The following LPP variants were observed in gnomAD, a reference collection of about 807,000 sequenced individuals.
The protein encoded by LPP is lipoma-preferred partner.
Under a neutral mutation model 60.4 loss-of-function variants are expected in LPP, and 38 were observed. The observed-to-expected ratio is 0.63, with a 90% CI of 0.49 to 0.83. LPP has a LOEUF of 0.83. LPP is among the 40% of genes least tolerant of loss of function. LPP has a pLI of 0.00. For missense variants in LPP, 902 were observed against 783.6 expected, an observed-to-expected ratio of 1.15 and a Z score of -1.80; for synonymous variants, 328 against 290.8, an observed-to-expected ratio of 1.13 and a Z score of -1.30.
chr3:188,593,008 TAATTCTG>T (rs1839231466), intron 6 of LPP, among the ~76,000 whole-genome samples: 1 of 152,182 alleles, frequency 6.6e-6, no homozygotes, highest in African/African-American at 2.4e-5. Flanking sequence ...TCTTCTTGAA[TAATTCTG>T]TATCCTACCA....
intron 1 of LPP, among the ~76,000 whole-genome samples, chr3:188,215,294 A>G (rs1713091026): frequency 6.6e-6 from 1 of 151,952 alleles, no homozygotes; most frequent in African/African-American, 2.4e-5. Flanking sequence ...TGACAGATCG[A>G]GACCCTGTCT....
chr3:188,411,977 C>CTCTG (rs1033674599), intron 4 of LPP, among the ~76,000 whole-genome samples: 9 of 46,318 alleles, frequency 1.9e-4, no homozygotes, highest in African/African-American at 4.2e-4. Flanking sequence ...TTCTCTGTCT[C>CTCTG]TCTCTCTCTC....
At chr3:188,250,752 T>TTC (rs1231518627) in intron 2 of LPP, among the ~76,000 whole-genome samples, 8 of 120,866 alleles carry the variant, frequency 6.6e-5, no homozygotes, top group Non-Finnish European at 1.4e-4. Flanking sequence ...CTTTCTTTCT[T>TTC]TCTTTCTTTC....
At chr3:188,431,212 C>G (rs1255357137) in intron 4 of LPP, among the ~76,000 whole-genome samples, 1 of 152,000 alleles carries the variant, frequency 6.6e-6, no homozygotes, top group Non-Finnish European at 1.5e-5. Flanking sequence ...TGAGAACTAC[C>G]AAGAAATTTT....
chr3:188,501,488 G>A (rs933537209), intron 5 of LPP, among the ~76,000 whole-genome samples: 2 of 149,150 alleles, frequency 1.3e-5, no homozygotes, highest in East Asian at 2.0e-4. Context: ...GGTGGCTCAC[G>A]CCTGTAATCC....
intron 7 of LPP, among the ~76,000 whole-genome samples, chr3:188,642,973 A>C (rs1191350024): frequency 6.6e-6 from 1 of 152,032 alleles, no homozygotes; most frequent in Non-Finnish European, 1.5e-5. Context: ...ATTGAGTTTT[A>C]GTTATAAAAG....
chr3:188,159,370 A>G (rs1430112007), intron 1 of LPP, among the ~76,000 whole-genome samples: 1 of 152,140 alleles, frequency 6.6e-6, no homozygotes, highest in Admixed American at 6.5e-5. Flanking sequence ...TAATCTGTTT[A>G]TTGTGTTGTG....
chr3:188,752,686 G>A (rs142548092), intron 8 of LPP, among the ~76,000 whole-genome samples: 85 of 152,144 alleles, frequency 5.6e-4, no homozygotes, highest in African/African-American at 1.9e-3. Context: ...GCCCCTCTCC[G>A]CCTCATATTA....
chr3:188,285,491 T>A (rs1743625197), intron 2 of LPP, among the ~76,000 whole-genome samples: 1 of 152,172 alleles, frequency 6.6e-6, no homozygotes, highest in South Asian at 2.1e-4. Flanking sequence ...TGATCATGGC[T>A]CACTGCAGTC....
At position 188,317,846 on chromosome 3, in the gene LPP, G is replaced by A. The variant is rs113975751; in HGVS notation, c.-66-23817G>A. On this transcript the variant is annotated intron_variant, in intron 2 of 11. Coordinates refer to ENST00000617246, the MANE Select transcript of LPP (RefSeq NM_001375462.1). ...ACAGGGAGAAAAGAGAGAATCTCAGGAATTGAAAGTCTCAATGGAGAAGAG... is the reference window on the plus strand; with the variant it reads ...ACAGGGAGAAAAGAGAGAATCTCAGAAATTGAAAGTCTCAATGGAGAAGAG... 5.7e-3 allele frequency among the ~76,000 whole-genome samples: 872 copies of A among 152,274 alleles called. 5 individuals are homozygous for A. The highest frequency in any genetic ancestry group is 9.0e-3 in the Non-Finnish European group (610 of 68,022).
chr3:188,462,121 C>T (rs7627561), intron 4 of LPP, among the ~76,000 whole-genome samples: 72,329 of 151,838 alleles, frequency 0.48, 17,865 homozygotes, highest in African/African-American at 0.6. Context: ...GGCAACACTT[C>T]CTTTCACGTT....
At chr3:188,866,777 GCT>G (rs1286760091) in intron 10 of LPP, among the ~76,000 whole-genome samples, 1 of 152,070 alleles carries the variant, frequency 6.6e-6, no homozygotes, top group Non-Finnish European at 1.5e-5. Flanking sequence ...CCTCTCTAAA[GCT>G]CTCTCAGCTG....
chr3:188,836,566 C>T (rs867299747), intron 9 of LPP, among the ~76,000 whole-genome samples: 2 of 152,214 alleles, frequency 1.3e-5, no homozygotes, highest in African/African-American at 4.8e-5. Flanking sequence ...ACGATGGAGG[C>T]TCAATGCATG....
chr3:188,370,048 C>T (rs980338130), intron 3 of LPP, among the ~76,000 whole-genome samples: 2 of 152,174 alleles, frequency 1.3e-5, no homozygotes, highest in Non-Finnish European at 2.9e-5. Flanking sequence ...CTGCCTCAGC[C>T]TCCCGAGTAG....
At chr3:188,220,196 G>A (rs6809735) in intron 1 of LPP, among the ~76,000 whole-genome samples, 1 of 152,104 alleles carries the variant, frequency 6.6e-6, no homozygotes, top group African/African-American at 2.4e-5. Context: ...AAAATGGTCT[G>A]ATTCTCCCGG....
intron 7 of LPP, among the ~76,000 whole-genome samples, chr3:188,614,084 C>T (rs954589446): frequency 3.3e-5 from 5 of 151,754 alleles, no homozygotes; most frequent in African/African-American, 7.3e-5. Flanking sequence ...CCCGCCACCA[C>T]GCCTGGCTAA....
At chr3:188,569,419 T>C (rs1560576884) in intron 6 of LPP, among the ~76,000 whole-genome samples, 1 of 152,014 alleles carries the variant, frequency 6.6e-6, no homozygotes, top group Non-Finnish European at 1.5e-5. Context: ...ATGTCATCTG[T>C]ATTGTGTAGG....
intron 3 of LPP, among the ~76,000 whole-genome samples, chr3:188,390,404 C>T (rs1277839827): frequency 6.6e-6 from 1 of 151,924 alleles, no homozygotes; most frequent in Admixed American, 6.6e-5. Context: ...AATAGTCTTC[C>T]TTCACATGTA....
intron 7 of LPP, among the ~76,000 whole-genome samples, chr3:188,622,983 A>C (rs1191532615): frequency 6.7e-6 from 1 of 148,908 alleles, no homozygotes; most frequent in Admixed American, 6.8e-5. Flanking sequence ...AGCCCAGATC[A>C]CACCACTGCA....
Sources: gnomAD v4.1 joint callset for allele counts (sites outside exome capture counted in the v4.1 genomes callset) on GRCh38, gnomAD v4.1.1 for gene constraint, MANE v1.5 for transcripts, NCBI Gene and HGNC (gene_info 2026-07-23, HGNC 2026-07-21) for gene names.